AOAH: variants seen among roughly 807,000 people sequenced by gnomAD.
AOAH encodes the protein acyloxyacyl hydrolase (neutrophil).
Under a neutral mutation model 92.2 loss-of-function variants are expected in AOAH, and 64 were observed. The ratio of observed to expected loss-of-function variants is 0.69; its 90% CI spans 0.57 to 0.86. The LOEUF is 0.86. Ranked by LOEUF, AOAH falls within the 40% of genes least tolerant of loss-of-function variation. The pLI, the probability that AOAH is intolerant of heterozygous loss-of-function variation, is 0.00. For missense variants in AOAH, 656 were observed against 694.6 expected (o/e 0.94, Z 0.62); for synonymous variants, 263 against 254.5 (o/e 1.03, Z -0.32).
chr7:36,538,525 A>C (rs2116153889), intron 16 of AOAH, among the ~76,000 whole-genome samples: 1 of 152,354 alleles, frequency 6.6e-6, no homozygotes, highest in South Asian at 2.1e-4. Flanking sequence ...GAAATCAGAA[A>C]AATGGAAGTC....
chr7:36,535,695 G>C (rs779894410), intron 16 of AOAH, among the ~76,000 whole-genome samples: 1 of 152,146 alleles, frequency 6.6e-6, no homozygotes, highest in African/African-American at 2.4e-5. Context: ...CGGCACGTTC[G>C]CTGTCAGGGT....
chr7:36,515,142 C>A (rs1783525860), intron 20 of AOAH, among the ~76,000 whole-genome samples: 1 of 145,916 alleles, frequency 6.9e-6, no homozygotes, highest in Non-Finnish European at 1.5e-5. Context: ...ACACACACCA[C>A]ACCCCTCACA....
chr7:36,711,993 C>A (rs1313242194), intron 1 of AOAH, among the ~76,000 whole-genome samples: 2 of 152,148 alleles, frequency 1.3e-5, no homozygotes, highest in African/African-American at 4.8e-5. Context: ...AAAGGAGACT[C>A]AATTTAACCA....
At chr7:36,582,593 C>A (rs958182595) in intron 12 of AOAH, among the ~76,000 whole-genome samples, 19 of 152,180 alleles carry the variant, frequency 1.2e-4, no homozygotes, top group Non-Finnish European at 2.6e-4. Flanking sequence ...TCCCCCACTG[C>A]ATTTCGGTAG....
At chr7:36,559,301 A>G (rs548718700) in intron 13 of AOAH, among the ~76,000 whole-genome samples, 11 of 152,306 alleles carry the variant, frequency 7.2e-5, no homozygotes, top group Admixed American at 3.3e-4. Flanking sequence ...GTAGTTCTCA[A>G]AGTTCTTTGA....
At chr7:36,594,285 T>A in intron 12 of AOAH, 54 bp downstream of exon 12, 7 of 1,410,154 alleles carry the variant, frequency 5.0e-6, no homozygotes, top group Non-Finnish European at 7.0e-6. Flanking sequence ...CCATCTCTTG[T>A]TCTTTCCTTA....
chr7:36,682,787 G>A (rs1050968066), intron 2 of AOAH, among the ~76,000 whole-genome samples: 4 of 151,236 alleles, frequency 2.6e-5, no homozygotes, highest in African/African-American at 7.3e-5. Context: ...GTAGAGAGGA[G>A]GAAAAATTTT....
intron 11 of AOAH, among the ~76,000 whole-genome samples, chr7:36,611,753 A>G (rs1284431055): frequency 1.3e-5 from 2 of 152,232 alleles, no homozygotes; most frequent in Non-Finnish European, 2.9e-5. Context: ...CTGCACTGCC[A>G]GAGCCGTGTG....
intron 11 of AOAH, chr7:36,594,692 G>C (rs1789985276): frequency 4.1e-6 from 2 of 485,000 alleles, no homozygotes; most frequent in Admixed American, 7.0e-5. Flanking sequence ...CAAACACTTG[G>C]GAGGGATGCT....
chr7:36,533,118 T>C (rs115548050), intron 16 of AOAH, among the ~76,000 whole-genome samples: 1 of 152,144 alleles, frequency 6.6e-6, no homozygotes, highest in African/African-American at 2.4e-5. Context: ...CCAGAATCTG[T>C]GGGGGTGATT....
chr7:36,535,610 C>T (rs1267176777), intron 16 of AOAH, among the ~76,000 whole-genome samples: 1 of 152,158 alleles, frequency 6.6e-6, no homozygotes, highest in Admixed American at 6.5e-5. Context: ...GCCAGGAGTC[C>T]CTGGCTTCCT....
At chr7:36,587,080 T>C (rs1227720684) in intron 12 of AOAH, among the ~76,000 whole-genome samples, 1 of 151,896 alleles carries the variant, frequency 6.6e-6, no homozygotes, top group Non-Finnish European at 1.5e-5. Flanking sequence ...GCGACCAGCC[T>C]GGGCAATATG....
At chr7:36,613,451 G>C (rs1335692738) in intron 11 of AOAH, among the ~76,000 whole-genome samples, 1 of 152,226 alleles carries the variant, frequency 6.6e-6, no homozygotes, top group Non-Finnish European at 1.5e-5. Context: ...GCTGAAGACG[G>C]ATTTCCCCAA....
In AOAH at chr7:36,588,743, C is replaced by A. The variant is rs531287443; in HGVS notation, c.938+5596G>T. 7.4e-4 allele frequency among the ~76,000 whole-genome samples: 113 copies of A among 152,210 alleles called. 1 individual carries two copies. Among genetic ancestry groups the A allele is most frequent in the African/African-American group, 2.4e-3 (100 of 41,530 alleles). ...CTATTGGGTAGGAGAGAATAGATAA[C>A]CTTTAACGCTTCTATTCTAGGACAC... On this transcript the variant is annotated intron_variant, in intron 12 of 20. Transcript: ENST00000617537.
chr7:36,723,926 C>T (rs1320259091), intron 1 of AOAH, 96 bp downstream of exon 1: 3 of 1,391,284 alleles, frequency 2.2e-6, no homozygotes, highest in African/African-American at 1.4e-5. Flanking sequence ...TCTTACAATT[C>T]TTGATTTAAT....
At chr7:36,661,477 G>T (rs1795210681) in intron 3 of AOAH, among the ~76,000 whole-genome samples, 1 of 152,146 alleles carries the variant, frequency 6.6e-6, no homozygotes, top group Non-Finnish European at 1.5e-5. Context: ...CCTATTTTCA[G>T]TCTCTTTCAG....
chr7:36,701,262 T>A (rs1167106097), intron 1 of AOAH, among the ~76,000 whole-genome samples: 3 of 151,896 alleles, frequency 2.0e-5, no homozygotes, highest in Non-Finnish European at 4.4e-5. Flanking sequence ...TTTGTTGTCA[T>A]TGAATGGAGT....
At chr7:36,672,269 C>T (rs1795982727) in intron 3 of AOAH, among the ~76,000 whole-genome samples, 1 of 152,146 alleles carries the variant, frequency 6.6e-6, no homozygotes, top group South Asian at 2.1e-4. Flanking sequence ...AGACTCTAGG[C>T]TACCCTGTTG....
At chr7:36,553,942 A>T (rs1443338393) in intron 13 of AOAH, among the ~76,000 whole-genome samples, 1 of 151,880 alleles carries the variant, frequency 6.6e-6, no homozygotes, top group East Asian at 1.9e-4. Flanking sequence ...TTGCCTGTTC[A>T]CTCTGATGGT....
Sources: gnomAD v4.1 joint callset for allele counts (sites outside exome capture counted in the v4.1 genomes callset) on GRCh38, gnomAD v4.1.1 for gene constraint, MANE v1.5 for transcripts, NCBI Gene and HGNC (gene_info 2026-07-23, HGNC 2026-07-21) for gene names.